The following PAG1 variants were observed in gnomAD, a reference collection of about 807,000 sequenced individuals.
The protein encoded by PAG1 is phosphoprotein associated with glycosphingolipid-enriched microdomains 1.
A neutral mutation model predicts 31.7 loss-of-function variants in PAG1; 23 were observed. That is an observed-to-expected ratio of 0.73 (90% CI 0.52 to 1.03). The LOEUF is 1.03. Among genes scored for constraint, PAG1 ranks in the 50% least tolerant of loss-of-function variants. The pLI, the probability that PAG1 is intolerant of heterozygous loss-of-function variation, is 0.00. For synonymous variants in PAG1, 214 were observed against 210.3 expected, an observed-to-expected ratio of 1.02 and a Z score of -0.15; for missense variants, 473 against 540.7, an observed-to-expected ratio of 0.87 and a Z score of 1.24.
At chr8:80,981,084 C>T (rs1807290252) in intron 7 of PAG1, among the ~76,000 whole-genome samples, 1 of 152,090 alleles carries the variant, frequency 6.6e-6, no homozygotes, top group African/African-American at 2.4e-5. Flanking sequence ...CCTTGACTTT[C>T]CCTTCCCCCA....
chr8:80,997,706 G>A (rs1807707994), intron 3 of PAG1, among the ~76,000 whole-genome samples: 1 of 152,222 alleles, frequency 6.6e-6, no homozygotes, highest in Non-Finnish European at 1.5e-5. Context: ...ACTAAGATGA[G>A]CCACAGAAGA....
At chr8:81,002,101 G>T (rs758422057) in intron 3 of PAG1, among the ~76,000 whole-genome samples, 2 of 152,196 alleles carry the variant, frequency 1.3e-5, no homozygotes, top group African/African-American at 4.8e-5. Flanking sequence ...GATGGATGTG[G>T]TGTCTACAGG....
intron 2 of PAG1, chr8:81,040,865 G>A (rs1586182519): frequency 6.6e-6 from 1 of 152,028 alleles, no homozygotes; most frequent in African/African-American, 2.4e-5. Context: ...ATCAAATAAG[G>A]GTAGAAGAGG....
In PAG1 at chr8:81,111,719, C is replaced by G. The variant is rs1809777997; in HGVS notation, c.-362G>C. On this transcript the variant is annotated 5_prime_UTR_variant, in exon 1 of 9. Coordinates refer to ENST00000220597, the MANE Select transcript of PAG1 (RefSeq NM_018440.4). ...CGGCAAGTGCAGGACCAGGCGCCGC[C>G]GCTCTGCACCAGTCGCCTTGGCTCA... 6.6e-6 allele frequency: 1 copy of G among 152,196 alleles called. No individual in the cohort carries two copies. The highest frequency in any genetic ancestry group is 2.4e-5 in the African/African-American group (1 of 41,454). The allele number at this position is 152,196 out of a possible 1,614,324, so 9.4% of individuals were successfully genotyped here. A position where few individuals can be genotyped will look rare whatever the true frequency, so the allele number is the denominator to read the frequency against.
At chr8:81,055,720 T>C (rs1350205971) in intron 2 of PAG1, among the ~76,000 whole-genome samples, 5 of 152,180 alleles carry the variant, frequency 3.3e-5, no homozygotes, top group African/African-American at 7.2e-5. Context: ...TTTGAAGCAA[T>C]TGTGAATGGG....
At chr8:81,009,992 T>C (rs1275376087) in intron 3 of PAG1, among the ~76,000 whole-genome samples, 3 of 152,330 alleles carry the variant, frequency 2.0e-5, no homozygotes, top group South Asian at 2.1e-4. Context: ...GGCCTTGACA[T>C]TGATATTTGT....
chr8:80,987,217 A>G (rs1013027822), intron 6 of PAG1, among the ~76,000 whole-genome samples, 153 bp downstream of exon 6: 3 of 152,254 alleles, frequency 2.0e-5, no homozygotes, highest in Non-Finnish European at 4.4e-5. Flanking sequence ...AAGTAGCAGT[A>G]TTCATCCAAA....
intron 1 of PAG1, among the ~76,000 whole-genome samples, chr8:81,085,590 T>C (rs34480849): frequency 0.038 from 5,754 of 152,270 alleles, 143 homozygotes; most frequent in Non-Finnish European, 0.058. Context: ...CCTACCTATG[T>C]CCACAGAAGT....
intron 3 of PAG1, among the ~76,000 whole-genome samples, chr8:81,021,174 A>C (rs1808160861): frequency 6.6e-6 from 1 of 152,264 alleles, no homozygotes; most frequent in Non-Finnish European, 1.5e-5. Flanking sequence ...CCTTTGCTAT[A>C]GATGACTATG....
intron 1 of PAG1, among the ~76,000 whole-genome samples, chr8:81,093,321 C>G (rs1809477128): frequency 6.6e-6 from 1 of 152,112 alleles, no homozygotes; most frequent in Non-Finnish European, 1.5e-5. Flanking sequence ...GTCTAGAAAC[C>G]AATGAAGACC....
Position 80,971,275 on chromosome 8 carries a change from G to A in PAG1, c.*5269C>T, listed in dbSNP as rs1326808741. The A allele has an allele frequency of 6.6e-6, 1 of 152,106 alleles. No homozygotes were observed. The highest frequency in any genetic ancestry group is 1.5e-5 in the Non-Finnish European group (1 of 68,016). The allele number at this position is 152,106 out of a possible 1,614,324, so 9.4% of individuals were successfully genotyped here. The stretch of plus-strand genomic sequence containing the variant: ...TATTTTTTAATATTTTTGAGTAAGG[G>A]GAGTACTTTAATACTGATTGGGCCC... On this transcript the variant is annotated 3_prime_UTR_variant, in exon 9 of 9. Coordinates refer to ENST00000220597, the MANE Select transcript of PAG1 (RefSeq NM_018440.4).
chr8:80,980,583 C>A, intron 7 of PAG1, 89 bp from the exon 8 acceptor site: 1 of 816,000 alleles, frequency 1.2e-6, no homozygotes, highest in East Asian at 2.5e-5. Context: ...ATCTGTCTAG[C>A]AACGTTTTCA....
At chr8:81,097,084 T>C (rs1026866589) in intron 1 of PAG1, among the ~76,000 whole-genome samples, 1 of 152,226 alleles carries the variant, frequency 6.6e-6, no homozygotes, top group African/African-American at 2.4e-5. Context: ...TTACACCCTA[T>C]GCACCAGTGG....
intron 2 of PAG1, among the ~76,000 whole-genome samples, chr8:81,040,114 A>T (rs1808529854): frequency 6.6e-6 from 1 of 152,138 alleles, no homozygotes; most frequent in South Asian, 2.1e-4. Flanking sequence ...AAGTCACTCA[A>T]AATTCATGCT....
chr8:81,006,488 A>G (rs1192756581), intron 3 of PAG1, among the ~76,000 whole-genome samples: 1 of 152,138 alleles, frequency 6.6e-6, no homozygotes, highest in Non-Finnish European at 1.5e-5. Context: ...GTAAAAATCT[A>G]ATCTCATAGC....
At chr8:81,053,547 A>T (rs1252283106) in intron 2 of PAG1, among the ~76,000 whole-genome samples, 1 of 152,250 alleles carries the variant, frequency 6.6e-6, no homozygotes, top group Non-Finnish European at 1.5e-5. Flanking sequence ...GACTGAGAAT[A>T]CTAGAATGAT....
chr8:81,091,539 T>C (rs1437665709), intron 1 of PAG1, among the ~76,000 whole-genome samples: 1 of 152,148 alleles, frequency 6.6e-6, no homozygotes, highest in African/African-American at 2.4e-5. Context: ...GCTACAAACC[T>C]GTACAGCATG....
rs78228833 is a variant in PAG1 at position 81,053,066 on chromosome 8, A to G, written c.-175+17046T>C. On this transcript the variant is annotated intron_variant, in intron 2 of 8. Transcript: ENST00000220597. ...CATAATTGTAATTGTAAATTCATAA[A>G]AGAGAATGCAGAGTTAATAATATCA... is the stretch of plus-strand genomic sequence containing the variant. Among the ~76,000 whole-genome samples the G allele has an allele frequency of 4.4e-3, 666 of 152,350 alleles. 4 individuals carry two copies. The highest frequency in any genetic ancestry group is 0.016 in the African/African-American group (646 of 41,574).
chr8:81,098,774 G>A (rs893846455), intron 1 of PAG1, among the ~76,000 whole-genome samples: 1 of 152,118 alleles, frequency 6.6e-6, no homozygotes, highest in African/African-American at 2.4e-5. Flanking sequence ...TTGGCATTTT[G>A]TCAAGTCTGA....
Sources: gnomAD v4.1 joint callset for allele counts (sites outside exome capture counted in the v4.1 genomes callset) on GRCh38, gnomAD v4.1.1 for gene constraint, MANE v1.5 for transcripts, NCBI Gene and HGNC (gene_info 2026-07-23, HGNC 2026-07-21) for gene names.